ANO5: variants seen among roughly 807,000 people sequenced by gnomAD.
The protein encoded by ANO5 is anoctamin-5.
ANO5 carries 109 observed loss-of-function variants against 121.0 expected under a neutral mutation model. The observed-to-expected ratio is 0.90, with a 90% CI of 0.77 to 1.06. The LOEUF (loss-of-function observed/expected upper bound fraction) is 1.06, where lower values mean the gene tolerates loss of function less well. ANO5 is among the 50% of genes least tolerant of loss of function. The probability of loss-of-function intolerance (pLI) is 0.00; values close to 1 mark genes in which losing one functional copy is unlikely to be tolerated. For synonymous variants in ANO5, 406 were observed against 359.9 expected (o/e 1.13, Z -1.45); for missense variants, 1,064 against 1,078.5 (o/e 0.99, Z 0.19).
At chr11:22,269,015 A>C (rs114984726) in intron 17 of ANO5, among the ~76,000 whole-genome samples, 2,235 of 151,368 alleles carry the variant, frequency 0.015, 64 homozygotes, top group African/African-American at 0.051. Flanking sequence ...AAAAAGAAAG[A>C]AGACAGACAT....
At chr11:22,261,253 T>C (rs922318674) in intron 15 of ANO5, 19 of 152,300 alleles carry the variant, frequency 1.2e-4, no homozygotes, top group African/African-American at 3.9e-4. Context: ...TTCACATGGC[T>C]GGGGAGGCCT....
At position 22,263,002 on chromosome 11, in the gene ANO5, C is replaced by A; in HGVS notation, c.1857C>A (p.Thr619=). The A allele has an allele frequency of 6.2e-7, 1 of 1,613,422 alleles. No individual in the cohort carries two copies. The highest frequency in any genetic ancestry group is 8.5e-7 in the Non-Finnish European group (1 of 1,179,692). ...CAACCCAATTGACCATTATAATGAC[C>A]GGGAAACAGATTTTTGGAAACATTA... ...ELTTQLTIIM[T]GKQIFGNIKE... The change falls in exon 17 of 22, where the codon ACC becomes ACA. Residue 619 remains threonine, a synonymous_variant. Transcript: ENST00000324559.
intron 16 of ANO5, 80 bp from the exon 17 acceptor site, chr11:22,262,866 G>C: frequency 1.9e-6 from 2 of 1,079,932 alleles, no homozygotes; most frequent in Non-Finnish European, 2.9e-6. Flanking sequence ...TAATTTTATA[G>C]TTTAGGGTTT....
chr11:22,205,081 C>T (rs1852073520), intron 2 of ANO5, among the ~76,000 whole-genome samples: 2 of 152,198 alleles, frequency 1.3e-5, no homozygotes, highest in Non-Finnish European at 1.5e-5. Flanking sequence ...TTACCTTTAG[C>T]AAACTAATAC....
chr11:22,204,739 C>T (rs1450765628), intron 2 of ANO5, among the ~76,000 whole-genome samples: 2 of 152,118 alleles, frequency 1.3e-5, no homozygotes, highest in Admixed American at 6.6e-5. Flanking sequence ...TGCTTATACA[C>T]TGTTGGTGGG....
rs114260446 is a variant in ANO5 at position 22,210,374 on chromosome 11, T to A, written c.88-890T>A. Among the ~76,000 whole-genome samples, 270 of 152,078 alleles carry A rather than the reference T, an allele frequency of 1.8e-3. 3 individuals are homozygous for A. Among genetic ancestry groups the A allele is most frequent in the African/African-American group, 6.4e-3 (265 of 41,546 alleles). On this transcript the variant is annotated intron_variant, in intron 2 of 21. Transcript: ENST00000324559. ...AGCATTAGGTATATTTCCAAGGTGCTCTTTGAGTATGTTGTAAATATGTCT... is the reference window on the plus strand; with the variant it reads ...AGCATTAGGTATATTTCCAAGGTGCACTTTGAGTATGTTGTAAATATGTCT...
At chr11:22,193,934 T>G (rs1044302074) in intron 1 of ANO5, among the ~76,000 whole-genome samples, 1 of 152,102 alleles carries the variant, frequency 6.6e-6, no homozygotes, top group African/African-American at 2.4e-5. Flanking sequence ...CAGTATAGAG[T>G]GCAAGACAGC....
chr11:22,195,985 A>G (rs1025630632), intron 1 of ANO5, among the ~76,000 whole-genome samples: 22 of 152,092 alleles, frequency 1.4e-4, no homozygotes, highest in Admixed American at 7.9e-4. Context: ...AGTTCAGGCC[A>G]CTCATATGAC....
At chr11:22,220,412 T>C (rs1194842470) in intron 4 of ANO5, among the ~76,000 whole-genome samples, 1 of 152,006 alleles carries the variant, frequency 6.6e-6, no homozygotes, top group East Asian at 1.9e-4. Flanking sequence ...AAGGAACTAA[T>C]GAACTAACTA....
intron 1 of ANO5, among the ~76,000 whole-genome samples, chr11:22,202,230 C>A (rs1851987140): frequency 6.6e-6 from 1 of 151,890 alleles, no homozygotes; most frequent in South Asian, 2.1e-4. Flanking sequence ...CACATACAGC[C>A]TCGTTTTAAC....
At chr11:22,276,332 A>C (rs1590335003) in intron 21 of ANO5, 133 bp downstream of exon 21, 1 of 753,474 alleles carries the variant, frequency 1.3e-6, no homozygotes, top group East Asian at 2.7e-5. Context: ...ATTTGTAGTC[A>C]TAAAAAGCAC....
chr11:22,231,714 C>T lies in ANO5; in HGVS notation c.648+4128C>T, dbSNP rs114710219. ...TAAGTTTTCTGCTAAAAGAGATACA[C>T]ATGTAAAATTTTGAGATCTAAGGAC... On this transcript the variant is annotated intron_variant, in intron 7 of 21. Coordinates refer to ENST00000324559, the MANE Select transcript of ANO5 (RefSeq NM_213599.3). 1.3e-3 allele frequency among the ~76,000 whole-genome samples: 198 copies of T among 152,014 alleles called. 2 individuals are homozygous for T. The highest frequency in any genetic ancestry group is 4.7e-3 in the African/African-American group (196 of 41,484).
intron 1 of ANO5, among the ~76,000 whole-genome samples, chr11:22,199,678 T>A (rs1018401871): frequency 6.6e-6 from 1 of 152,156 alleles, no homozygotes; most frequent in African/African-American, 2.4e-5. Context: ...TTAAAAAAAA[T>A]CTCTTTGATC....
In ANO5 at chr11:22,193,125, G is replaced by A. The variant is rs970207312; in HGVS notation, c.-368G>A. On this transcript the variant is annotated 5_prime_UTR_variant, in exon 1 of 22. Coordinates refer to ENST00000324559, the MANE Select transcript of ANO5 (RefSeq NM_213599.3). ...GAGCACCGGGAGGAGTGGCGGCTGC[G>A]GGATCAGCTGCCGAGCAGGCACAGG... The A allele has an allele frequency of 7.4e-5, 82 of 1,101,398 alleles. No individual in the cohort carries two copies. The highest frequency in any genetic ancestry group is 9.0e-5 in the Non-Finnish European group (81 of 898,664). The allele number at this position is 1,101,398 out of a possible 1,614,324, so 68.2% of individuals were successfully genotyped here.
Position 22,211,250 on chromosome 11 carries a change from C to G in ANO5, c.88-14C>G. On this transcript the variant is annotated splice_polypyrimidine_tract_variant and intron_variant, in intron 2 of 21. Coordinates refer to ENST00000324559, the MANE Select transcript of ANO5 (RefSeq NM_213599.3). ...TATTAATAATAGCATTATATCTTCC[C>G]CTGGTACTGTTAGCAGAGCCTGAGC... 1 of 1,611,610 alleles carries G rather than the reference C, an allele frequency of 6.2e-7. No homozygotes were observed. Among genetic ancestry groups the G allele is most frequent in the Non-Finnish European group, 8.5e-7 (1 of 1,178,250 alleles).
At chr11:22,243,490 T>C (rs1853503238) in intron 9 of ANO5, among the ~76,000 whole-genome samples, 1 of 151,920 alleles carries the variant, frequency 6.6e-6, no homozygotes, top group South Asian at 2.1e-4. Flanking sequence ...AGCAGGGTTG[T>C]TACAAGTTCT....
At chr11:22,209,348 A>T (rs991200925) in intron 2 of ANO5, among the ~76,000 whole-genome samples, 2 of 151,906 alleles carry the variant, frequency 1.3e-5, no homozygotes, top group African/African-American at 4.8e-5. Flanking sequence ...GTCAACATTT[A>T]TGGAGAACTT....
At chr11:22,193,000 C>T (rs1010695136), upstream of ANO5, 2 of 985,068 alleles carry the variant, frequency 2.0e-6, no homozygotes, top group Non-Finnish European at 2.4e-6. Flanking sequence ...GGGCGCCGGC[C>T]GGTCTTGCGG....
chr11:22,267,491 C>T (rs1010810052), intron 17 of ANO5, among the ~76,000 whole-genome samples: 1 of 138,832 alleles, frequency 7.2e-6, no homozygotes, highest in East Asian at 2.4e-4. Flanking sequence ...ATCTACATAC[C>T]ATATAAATAT....
Sources: gnomAD v4.1 joint callset for allele counts (sites outside exome capture counted in the v4.1 genomes callset) on GRCh38, gnomAD v4.1.1 for gene constraint, MANE v1.5 for transcripts, NCBI Gene and HGNC (gene_info 2026-07-23, HGNC 2026-07-21) for gene names.